CDH12: variants seen among roughly 807,000 people sequenced by gnomAD.
CDH12 encodes cadherin-12.
A neutral mutation model predicts 74.1 loss-of-function variants in CDH12; 41 were observed. The ratio of observed to expected loss-of-function variants is 0.55; its 90% CI spans 0.43 to 0.72. The LOEUF (loss-of-function observed/expected upper bound fraction) is 0.72. Ranked by LOEUF, CDH12 falls within the 30% of genes least tolerant of loss-of-function variation. The pLI is 0.00. For synonymous variants in CDH12, 399 were observed against 355.0 expected (o/e 1.12, Z -1.39); for missense variants, 945 against 977.2 (o/e 0.97, Z 0.44).
chr5:21,836,487 AC>A (rs1749546086), intron 8 of CDH12, among the ~76,000 whole-genome samples: 1 of 151,060 alleles, frequency 6.6e-6, no homozygotes, highest in African/African-American at 2.4e-5. Flanking sequence ...ACACACACAC[AC>A]ACACACACAC....
At chr5:22,756,905 G>C (rs912122377) in intron 1 of CDH12, among the ~76,000 whole-genome samples, 6 of 150,984 alleles carry the variant, frequency 4.0e-5, no homozygotes, top group Non-Finnish European at 8.8e-5. Context: ...GTTGCAGAAA[G>C]CCAAGATCAC....
intron 1 of CDH12, among the ~76,000 whole-genome samples, chr5:22,817,799 C>CT (rs1390348324): frequency 6.6e-6 from 1 of 152,106 alleles, no homozygotes; most frequent in African/African-American, 2.4e-5. Context: ...CCAATGCATT[C>CT]TGTAGGGAGG....
intron 10 of CDH12, among the ~76,000 whole-genome samples, chr5:21,800,446 T>A (rs1747048052): frequency 6.6e-6 from 1 of 152,112 alleles, no homozygotes; most frequent in South Asian, 2.1e-4. Flanking sequence ...GGGAGGTAAT[T>A]AGTTGATCCG....
At chr5:22,347,628 C>T (rs984773921) in intron 3 of CDH12, among the ~76,000 whole-genome samples, 1 of 152,118 alleles carries the variant, frequency 6.6e-6, no homozygotes, top group African/African-American at 2.4e-5. Context: ...TACATCTATC[C>T]TTTAAGTTCT....
intron 1 of CDH12, among the ~76,000 whole-genome samples, chr5:22,784,767 C>A (rs1188720322): frequency 1.3e-5 from 2 of 152,044 alleles, no homozygotes; most frequent in Non-Finnish European, 1.5e-5. Flanking sequence ...GGCAGCTATT[C>A]CTAATTAAAT....
chr5:21,826,609 A>G (rs762797908), intron 8 of CDH12, among the ~76,000 whole-genome samples: 2 of 152,128 alleles, frequency 1.3e-5, no homozygotes, highest in Non-Finnish European at 2.9e-5. Context: ...GGTCATTTCC[A>G]TCACTCCTAG....
At chr5:22,060,541 A>C (rs999530885) in intron 5 of CDH12, among the ~76,000 whole-genome samples, 2 of 152,164 alleles carry the variant, frequency 1.3e-5, no homozygotes, top group South Asian at 2.1e-4. Flanking sequence ...GTATTGACTA[A>C]GCAATTCAGT....
chr5:22,087,726 T>A (rs1278519952), intron 4 of CDH12, among the ~76,000 whole-genome samples: 1 of 152,188 alleles, frequency 6.6e-6, no homozygotes, highest in Non-Finnish European at 1.5e-5. Flanking sequence ...TTCATAAAAA[T>A]TCAAGATCTC....
At chr5:22,272,125 G>A (rs1024755320) in intron 3 of CDH12, among the ~76,000 whole-genome samples, 1 of 152,222 alleles carries the variant, frequency 6.6e-6, no homozygotes, top group African/African-American at 2.4e-5. Flanking sequence ...ATTGTTTAGT[G>A]TAACCACCTT....
chr5:22,043,076 T>A (rs1249698451), intron 5 of CDH12, among the ~76,000 whole-genome samples: 2 of 151,950 alleles, frequency 1.3e-5, no homozygotes, highest in African/African-American at 4.8e-5. Flanking sequence ...GAGGAGGAAA[T>A]TCTTCCAAAG....
chr5:22,504,646 T>C (rs974032121), intron 2 of CDH12, among the ~76,000 whole-genome samples: 1 of 152,090 alleles, frequency 6.6e-6, no homozygotes, highest in African/African-American at 2.4e-5. Context: ...TTAATTACTA[T>C]GTCTGTGAAG....
At chr5:22,173,637 GTAATTTTTACTACTTTTATTATATT>G (rs1749170394) in intron 4 of CDH12, among the ~76,000 whole-genome samples, 1 of 151,520 alleles carries the variant, frequency 6.6e-6, no homozygotes, top group Non-Finnish European at 1.5e-5. Context: ...ATGGTATGAT[GTAATTTTTACTACTTTTATTATATT>G]GTTTGTCTGC....
intron 1 of CDH12, among the ~76,000 whole-genome samples, chr5:22,740,138 T>C (rs1294224658): frequency 6.6e-6 from 1 of 151,744 alleles, no homozygotes; most frequent in Non-Finnish European, 1.5e-5. Context: ...AGTTTCCTTG[T>C]TGGTATGAAC....
intron 1 of CDH12, among the ~76,000 whole-genome samples, chr5:22,842,635 G>A (rs1349010979): frequency 2.0e-5 from 3 of 152,096 alleles, no homozygotes; most frequent in Non-Finnish European, 4.4e-5. Context: ...CAAGTTATGT[G>A]TTCACTCTAG....
intron 3 of CDH12, among the ~76,000 whole-genome samples, chr5:22,257,881 CCAA>C (rs750987391): frequency 5.9e-5 from 9 of 151,922 alleles, no homozygotes; most frequent in Non-Finnish European, 1.3e-4. Context: ...GCTTAGCGTT[CCAA>C]TAGTGGAAGA....
intron 3 of CDH12, among the ~76,000 whole-genome samples, chr5:22,384,075 T>C (rs1307015062): frequency 6.6e-6 from 1 of 152,154 alleles, no homozygotes; most frequent in East Asian, 1.9e-4. Context: ...AATTAGACTT[T>C]TATGATAACT....
intron 1 of CDH12, among the ~76,000 whole-genome samples, chr5:22,684,145 T>A (rs559002186): frequency 5.9e-5 from 9 of 152,220 alleles, no homozygotes; most frequent in African/African-American, 2.2e-4. Flanking sequence ...TTTTAAAAAA[T>A]ACTCTTTAAA....
rs143143758 is a variant in CDH12, at chr5:21,917,472, A to G, written c.526+57619T>C. Among the ~76,000 whole-genome samples, 17 of 152,350 alleles carry G rather than the reference A, an allele frequency of 1.1e-4. 1 individual carries two copies. The highest frequency in any genetic ancestry group is 5.9e-4 in the Admixed American group (9 of 15,300). Reference sequence around the variant, plus strand: ...AACTAATCTTCCTTTGACAATTTCAAGATGTTTCTGTTACATTCTTAGCTC... The same window carrying G: ...AACTAATCTTCCTTTGACAATTTCAGGATGTTTCTGTTACATTCTTAGCTC... On this transcript the variant is annotated intron_variant, in intron 6 of 14. Transcript: ENST00000382254.
chr5:21,817,144 T>C lies in CDH12; in HGVS notation c.815-12A>G. The C allele has an allele frequency of 1.3e-6, 2 of 1,585,296 alleles. No individual in the cohort carries two copies. The highest frequency in any genetic ancestry group is 8.6e-7 in the Non-Finnish European group (1 of 1,164,110). ...CAAGTGGAAGATGCCTGATAAGACA[T>C]ATAAAATTTGAATTGACAGTGGGGT... On this transcript the variant is annotated splice_polypyrimidine_tract_variant and intron_variant, in intron 8 of 14. Coordinates refer to ENST00000382254, the MANE Select transcript of CDH12 (RefSeq NM_004061.5).
Sources: allele counts gnomAD v4.1 joint callset (sites outside exome capture counted in the v4.1 genomes callset), GRCh38; gene constraint gnomAD v4.1.1; transcripts MANE v1.5; gene names NCBI Gene and HGNC (gene_info 2026-07-23, HGNC 2026-07-21).